Variants in LIX1L observed in about 807,000 individuals in gnomAD.
The protein encoded by LIX1L is LIX1-like protein.
Under a neutral mutation model 34.0 loss-of-function variants are expected in LIX1L, and 20 were observed. The observed-to-expected ratio is 0.59, with a 90% CI of 0.41 to 0.85. The LOEUF is 0.85. LIX1L is among the 40% of genes least tolerant of loss of function. LIX1L has a pLI of 0.00. For missense variants in LIX1L, 397 were observed against 447.0 expected, an observed-to-expected ratio of 0.89 and a Z score of 1.01; for synonymous variants, 170 against 187.4, an observed-to-expected ratio of 0.91 and a Z score of 0.76.
At chr1:145,947,348 T>C in intron 2 of LIX1L, 1 of 371,688 alleles carries the variant, frequency 2.7e-6, no homozygotes, top group South Asian at 5.7e-5. Context: ...GATTGGAACA[T>C]GGGTTGGATG....
intron 2 of LIX1L, 60 bp from the exon 3 acceptor site, chr1:145,942,913 A>T: frequency 6.5e-7 from 1 of 1,529,704 alleles, no homozygotes; most frequent in Non-Finnish European, 9.0e-7. Context: ...AGAGGAAGGA[A>T]CAGTGGGAGG....
rs782176509 is a variant in LIX1L, at chr1:145,947,612, C to G, written c.456+7G>C. 1 of 1,613,702 alleles carries G rather than the reference C, an allele frequency of 6.2e-7. No individual in the cohort carries two copies. The highest frequency in any genetic ancestry group is 1.7e-5 in the Admixed American group (1 of 59,992). ...TACCTTTGCTACTGCCACCTCACAA[C>G]TCTTACCTGGAAACTCCCAAAGCAG... On this transcript the variant is annotated splice_region_variant and intron_variant, in intron 2 of 5. Coordinates refer to ENST00000604000, the MANE Select transcript of LIX1L (RefSeq NM_153713.3).
chr1:145,936,913 G>A lies in LIX1L; in HGVS notation c.766C>T (p.Arg256Trp), dbSNP rs782717937. The change falls in exon 5 of 6, where the codon CGG (arginine) becomes TGG (tryptophan). Residue 256 changes from arginine (R) to tryptophan (W), a missense_variant. Arg to Trp is a moderately radical substitution (Grantham distance 101). This residue lies in a region of LIX1L where 174 missense variants were observed against 204.0 expected (regional missense o/e 0.85). Transcript: ENST00000604000. The stretch of plus-strand genomic sequence containing the variant: ...CCACTCATAAAATCTCTTACCTGCC[G>A]AGAGCATTGTCGTTCCCTCATGGCC... ...LKAMRERQCS[R>W]QEVLAHYSHR... is the part of the protein sequence containing the mutation. 7 of 1,609,610 alleles carry A rather than the reference G, an allele frequency of 4.3e-6. No individual in the cohort carries two copies. The highest frequency in any genetic ancestry group is 1.3e-5 in the African/African-American group (1 of 74,900).
In LIX1L at chr1:145,934,050, T is replaced by C. The variant is rs1648525498; in HGVS notation, c.*2260A>G. On this transcript the variant is annotated 3_prime_UTR_variant, in exon 6 of 6. Transcript: ENST00000604000. ...TCTATTTCTAAAAGCAAAGTCTGTA[T>C]AATTGTTAAGTGGGAAGTCCAATTG... 1 of 152,264 alleles carries C rather than the reference T, an allele frequency of 6.6e-6. No homozygotes were observed. The highest frequency in any genetic ancestry group is 1.5e-5 in the Non-Finnish European group (1 of 68,056). 9.4% of individuals were successfully genotyped at this position (152,264 alleles called of 1,614,324 possible). A position where few individuals can be genotyped will look rare whatever the true frequency, so the allele number is the denominator to read the frequency against.
rs781879398 is a variant in LIX1L, at chr1:145,936,377, T to G, written c.947A>C (p.Lys316Thr). The change falls in exon 6 of 6, where the codon AAG becomes ACG. Residue 316 changes from lysine (K) to threonine (T), a missense_variant. By Grantham distance (78) the Lys-to-Thr change is moderately conservative. Coordinates refer to ENST00000604000, the MANE Select transcript of LIX1L (RefSeq NM_153713.3). ...CAGCACAAGAATATCTTTCTTCTCC[T>G]TGTGGAAGCGCAGCTCCTTGCCTGC... Reference protein sequence around the residue: ...RLAGKELRFHKEKKDILVLAA... With the variant: ...RLAGKELRFHTEKKDILVLAA... 3.7e-6 allele frequency: 6 copies of G among 1,614,208 alleles called. No individual in the cohort carries two copies. Among genetic ancestry groups the G allele is most frequent in the Non-Finnish European group, 5.1e-6 (6 of 1,180,048 alleles).
At position 145,935,453 on chromosome 1, in the gene LIX1L, G is replaced by A. The variant is rs1559236621; in HGVS notation, c.*857C>T. 1 of 152,382 alleles carries A rather than the reference G, an allele frequency of 6.6e-6. No homozygotes were observed. Among genetic ancestry groups the A allele is most frequent in the African/African-American group, 2.4e-5 (1 of 41,450 alleles). 9.4% of individuals were successfully genotyped at this position (152,382 alleles called of 1,614,324 possible). A position where few individuals can be genotyped will look rare whatever the true frequency, so the allele number is the denominator to read the frequency against. ...AACGCTTCCAAAAAATAAAATGTTA[G>A]GTGAAGGGAAATATGGAAATATGTT... On this transcript the variant is annotated 3_prime_UTR_variant, in exon 6 of 6. Transcript: ENST00000604000.
At chr1:145,939,991 AATTTT>A in intron 3 of LIX1L, 1 of 151,124 alleles carries the variant, frequency 6.6e-6, no homozygotes, top group Non-Finnish European at 1.5e-5. Context: ...TTTGAGACAG[AATTTT>A]GCTCTTGTCA....
chr1:145,950,072 TC>T (rs1649238073), intron 1 of LIX1L: 1 of 152,198 alleles, frequency 6.6e-6, no homozygotes, highest in Non-Finnish European at 1.5e-5. Flanking sequence ...AAAGTGCTCC[TC>T]CTCCACCTTG....
intron 2 of LIX1L, among the ~76,000 whole-genome samples, chr1:145,945,298 C>T (rs1649058810): frequency 2.3e-5 from 1 of 43,148 alleles, no homozygotes; most frequent in African/African-American, 1.1e-4. Flanking sequence ...AAGACTCTGT[C>T]TCAAAAAAAA....
Position 145,952,838 on chromosome 1 carries a change from T to C in LIX1L, c.292+4798A>G, listed in dbSNP as rs188339792. On this transcript the variant is annotated intron_variant, in intron 1 of 5. Coordinates refer to ENST00000604000, the MANE Select transcript of LIX1L (RefSeq NM_153713.3). The stretch of plus-strand genomic sequence containing the variant: ...GTTGGCCAGGCTGGTCTTGAACTCC[T>C]GACTTCAGATGATCCTCCCACCTCA... 3.1e-3 allele frequency among the ~76,000 whole-genome samples: 468 copies of C among 152,238 alleles called. 6 individuals carry two copies. Among genetic ancestry groups the C allele is most frequent in the South Asian group, 0.028 (133 of 4,822 alleles).
In LIX1L at chr1:145,942,614, A is replaced by C. The variant is rs1294514267; in HGVS notation, c.597+99T>G. ...GAACAGAGAGGTGGACCAGAAAGAA[A>C]ACAAGAATTCATGCTCTGTTTCACA... On this transcript the variant is annotated intron_variant, in intron 3 of 5. Coordinates refer to ENST00000604000, the MANE Select transcript of LIX1L (RefSeq NM_153713.3). 10 of 1,126,326 alleles carry C rather than the reference A, an allele frequency of 8.9e-6. No homozygotes were observed. In the African/African-American group the frequency reaches 1.5e-4, roughly 17 times the overall value. 69.8% of individuals were successfully genotyped at this position (1,126,326 alleles called of 1,614,324 possible).
chr1:145,952,628 T>C (rs1553759948), intron 1 of LIX1L, among the ~76,000 whole-genome samples: 1 of 152,184 alleles, frequency 6.6e-6, no homozygotes. Flanking sequence ...TTTTTTTTTT[T>C]TGAGACAAAG....
At chr1:145,949,518 G>T (rs75157862) in intron 1 of LIX1L, among the ~76,000 whole-genome samples, 1 of 152,254 alleles carries the variant, frequency 6.6e-6, no homozygotes, top group African/African-American at 2.4e-5. Flanking sequence ...GCAAGATGAG[G>T]TTGCAAGAGG....
chr1:145,955,853 T>A (rs1158237963), intron 1 of LIX1L, among the ~76,000 whole-genome samples: 1 of 152,194 alleles, frequency 6.6e-6, no homozygotes, highest in African/African-American at 2.4e-5. Context: ...TCCCTCATCC[T>A]TGCTAAGGAA....
At chr1:145,955,453 G>A (rs1649440495) in intron 1 of LIX1L, among the ~76,000 whole-genome samples, 1 of 152,192 alleles carries the variant, frequency 6.6e-6, no homozygotes, top group Admixed American at 6.5e-5. Context: ...AAGATGATGT[G>A]GTAAAGCATT....
chr1:145,953,360 G>A (rs1298161358), intron 1 of LIX1L, among the ~76,000 whole-genome samples: 3 of 152,180 alleles, frequency 2.0e-5, no homozygotes. Flanking sequence ...CAGGAATAAA[G>A]AGATAATGAA....
chr1:145,954,469 C>T (rs1649403030), intron 1 of LIX1L, among the ~76,000 whole-genome samples: 1 of 152,246 alleles, frequency 6.6e-6, no homozygotes, highest in Non-Finnish European at 1.5e-5. Context: ...AAAGGAACAA[C>T]TAAATAGAAA....
chr1:145,940,355 T>A (rs1171028607), intron 3 of LIX1L, among the ~76,000 whole-genome samples: 1 of 150,792 alleles, frequency 6.6e-6, no homozygotes, highest in African/African-American at 2.4e-5. Context: ...TTTCTATTTT[T>A]TTTTTTTTTT....
intron 1 of LIX1L, among the ~76,000 whole-genome samples, chr1:145,956,547 C>T (rs1553760373): frequency 6.6e-6 from 1 of 152,138 alleles, no homozygotes; most frequent in African/African-American, 2.4e-5. Flanking sequence ...TGTGTGTGCT[C>T]TTTTCACTAA....
Sources: gnomAD v4.1 joint callset for allele counts (sites outside exome capture counted in the v4.1 genomes callset) on GRCh38, gnomAD v4.1.1 for gene constraint, gnomAD v4.1.1 regional missense constraint, MANE v1.5 for transcripts, NCBI Gene and HGNC (gene_info 2026-07-23, HGNC 2026-07-21) for gene names.